Variants in ZXDC observed in about 807,000 individuals in gnomAD.
ZXDC encodes the protein zinc finger protein ZXDC.
A neutral mutation model predicts 63.6 loss-of-function variants in ZXDC; 58 were observed. That is an observed-to-expected ratio of 0.91 (90% confidence interval 0.74 to 1.13). The LOEUF is 1.13. ZXDC is among the 50% of genes most tolerant of loss of function. ZXDC has a pLI of 0.00. For synonymous variants in ZXDC, 561 were observed against 496.1 expected (o/e 1.13, Z -1.74); for missense variants, 1,133 against 1,148.9 (o/e 0.99, Z 0.20).
In ZXDC at chr3:126,459,575, CTG is replaced by C. The variant is rs1249264098; in HGVS notation, c.2212+76_2212+77del. The C allele has an allele frequency of 3.1e-6, 5 of 1,604,908 alleles. No individual in the cohort carries two copies. The African/African-American group carries it at 5.4e-5, about 17-fold the overall frequency. On this transcript the variant is annotated intron_variant, in intron 7 of 9. Coordinates refer to ENST00000389709, the MANE Select transcript of ZXDC (RefSeq NM_025112.5). ...AAAACCAAGAGCACAGAAACACCTG[CTG>C]TGTTTCTTCTGCCAGTAACAGTGAC...
intron 7 of ZXDC, among the ~76,000 whole-genome samples, chr3:126,446,406 C>T (rs1933883357): frequency 6.6e-6 from 1 of 152,198 alleles, no homozygotes; most frequent in Admixed American, 6.5e-5. Context: ...CTGCTTTCAC[C>T]TCACCGTGCC....
intron 7 of ZXDC, among the ~76,000 whole-genome samples, chr3:126,455,710 C>T (rs1262643377): frequency 2.0e-5 from 3 of 152,050 alleles, no homozygotes; most frequent in Admixed American, 1.3e-4. Flanking sequence ...GAATCAATAT[C>T]GTTGAGGCCG....
At chr3:126,456,230 CAG>C (rs1934303291) in intron 7 of ZXDC, among the ~76,000 whole-genome samples, 2 of 152,346 alleles carry the variant, frequency 1.3e-5, no homozygotes, top group Non-Finnish European at 2.9e-5. Context: ...TTAACCCTGC[CAG>C]AGAGGCCTCG....
rs570169253 is a variant in ZXDC at position 126,451,475 on chromosome 3, G to T, written c.2212+8178C>A. On this transcript the variant is annotated intron_variant, in intron 7 of 9. Coordinates refer to ENST00000389709, the MANE Select transcript of ZXDC (RefSeq NM_025112.5). ...TGAGATAAATTCAAAAAATGTAATT[G>T]TAAGACTGAATATTATGCATATTTT... 4.1e-6 allele frequency: 4 copies of T among 985,414 alleles called. No individual in the cohort carries two copies. In the African/African-American group the frequency reaches 7.0e-5, roughly 17 times the overall value. 61.0% of individuals were successfully genotyped at this position (985,414 alleles called of 1,614,324 possible).
intron 7 of ZXDC, chr3:126,450,417 C>T (rs926477420): frequency 1.3e-5 from 6 of 456,626 alleles, no homozygotes; most frequent in Non-Finnish European, 2.2e-5. Flanking sequence ...GCCACATCTG[C>T]CCCAGGGGTG....
At chr3:126,447,445 T>C (rs1477846836) in intron 7 of ZXDC, among the ~76,000 whole-genome samples, 1 of 152,248 alleles carries the variant, frequency 6.6e-6, no homozygotes, top group Non-Finnish European at 1.5e-5. Flanking sequence ...TTATTTCTAA[T>C]TGCTTGAGTT....
chr3:126,457,350 C>T, intron 7 of ZXDC: 4 of 985,428 alleles, frequency 4.1e-6, no homozygotes, highest in Non-Finnish European at 4.8e-6. Flanking sequence ...GTGTCTAAAA[C>T]CACAGCAGAC....
At chr3:126,469,678 G>A (rs543975104) in intron 4 of ZXDC, among the ~76,000 whole-genome samples, 29 of 152,052 alleles carry the variant, frequency 1.9e-4, no homozygotes, top group East Asian at 7.7e-4. Flanking sequence ...AGGCCACTCC[G>A]CCTCCAACAC....
At chr3:126,461,075 C>A (rs1934510155) in intron 6 of ZXDC, 1 of 985,518 alleles carries the variant, frequency 1.0e-6, no homozygotes, top group Non-Finnish European at 1.2e-6. Context: ...GGCTCATAAA[C>A]CCCACCCTTT....
In ZXDC at chr3:126,470,332, T is replaced by C. The variant is rs1342796468; in HGVS notation, c.1270+563A>G. On this transcript the variant is annotated intron_variant, in intron 4 of 9. Transcript: ENST00000389709. Reference sequence around the variant, plus strand: ...AAGCATAAAAATCAGCCAAGCGTGGTGGCATACGCCTGTAGTCCCAGCTAC... The same window carrying C: ...AAGCATAAAAATCAGCCAAGCGTGGCGGCATACGCCTGTAGTCCCAGCTAC... 2.0e-5 allele frequency among the ~76,000 whole-genome samples: 3 copies of C among 152,268 alleles called. No homozygotes were observed. The East Asian group carries it at 5.8e-4, about 29-fold the overall frequency.
intron 7 of ZXDC, among the ~76,000 whole-genome samples, chr3:126,446,117 T>C (rs781161355): frequency 5.3e-5 from 8 of 152,182 alleles, no homozygotes; most frequent in East Asian, 1.9e-4. Context: ...CAAACCCTTA[T>C]AGAACAAGGT....
intron 8 of ZXDC, 123 bp downstream of exon 8, chr3:126,441,642 C>T (rs4679120): frequency 0.044 from 62,746 of 1,426,072 alleles, 2,138 homozygotes; most frequent in Admixed American, 0.18. Context: ...GGAGGATGCA[C>T]GAGGGGCAGG....
chr3:126,475,677 C>T lies in ZXDC; in HGVS notation c.189G>A (p.Pro63=), dbSNP rs757448778. The T allele has an allele frequency of 3.6e-6, 5 of 1,395,016 alleles. No homozygotes were observed. Among genetic ancestry groups the T allele is most frequent in the Non-Finnish European group, 3.7e-6 (4 of 1,070,636 alleles). 86.4% of individuals were successfully genotyped at this position (1,395,016 alleles called of 1,614,324 possible). Residue 63 remains proline (P), a synonymous_variant, in exon 1 of 10, where the codon CCG becomes CCA. Transcript: ENST00000389709. ...CGTCGCTGTCGTCCTCGGCGGGCGG[C>T]GGGCTTGGCCCGGAGGCCTCCCCGG... The part of the protein sequence containing the change: ...ARPGEASGPS[P]PPAEDDSDGD...
At chr3:126,451,410 A>G (rs879303546) in intron 7 of ZXDC, 70 of 985,336 alleles carry the variant, frequency 7.1e-5, no homozygotes, top group Non-Finnish European at 7.6e-5. Flanking sequence ...ACTGAGCAGC[A>G]GCAGCATGTG....
intron 4 of ZXDC, among the ~76,000 whole-genome samples, chr3:126,470,635 C>T (rs1376617273): frequency 6.6e-6 from 1 of 152,184 alleles, no homozygotes; most frequent in Non-Finnish European, 1.5e-5. Flanking sequence ...ATCCTCACGA[C>T]CACCAAATTA....
Position 126,460,460 on chromosome 3 carries a change from G to C in ZXDC, c.2128-723C>G, listed in dbSNP as rs77808602. The C allele has an allele frequency of 2.3e-3, 2,241 of 984,794 alleles. 41 individuals are homozygous for C. In the African/African-American group the frequency reaches 0.037, roughly 16 times the overall value. 61.0% of individuals were successfully genotyped at this position (984,794 alleles called of 1,614,324 possible). A position where few individuals can be genotyped will look rare whatever the true frequency, so the allele number is the denominator to read the frequency against. ...ACAGCTAGCAAGAAAATGAACACGG[G>C]GTTAAGACCAAGGTCTTGCTGGCTT... On this transcript the variant is annotated intron_variant, in intron 6 of 9. Coordinates refer to ENST00000389709, the MANE Select transcript of ZXDC (RefSeq NM_025112.5).
At position 126,475,492 on chromosome 3, in the gene ZXDC, G is replaced by A. The variant is rs755035130; in HGVS notation, c.374C>T (p.Pro125Leu). 7 of 1,221,400 alleles carry A rather than the reference G, an allele frequency of 5.7e-6. No homozygotes were observed. The East Asian group carries it at 2.4e-4, about 42-fold the overall frequency. The allele number at this position is 1,221,400 out of a possible 1,614,324, so 75.7% of individuals were successfully genotyped here. A position where few individuals can be genotyped will look rare whatever the true frequency, so the allele number is the denominator to read the frequency against. The change falls in exon 1 of 10, where the codon CCG becomes CTG. Residue 125 changes from proline to leucine, a missense_variant. Pro to Leu is a moderately conservative substitution (Grantham distance 98). Coordinates refer to ENST00000389709, the MANE Select transcript of ZXDC (RefSeq NM_025112.5). Reference protein sequence around the residue: ...PAAPPGPGVAPAGAVTISSQD... With the variant: ...PAAPPGPGVALAGAVTISSQD... The stretch of plus-strand genomic sequence containing the variant: ...GCTGCTGATGGTGACGGCGCCCGCC[G>A]GGGCTACGCCAGGGCCGGGGGGGGC...
intron 6 of ZXDC, chr3:126,460,906 A>G: frequency 1.0e-6 from 1 of 985,416 alleles, no homozygotes; most frequent in Non-Finnish European, 1.2e-6. Flanking sequence ...AAAAATCCCT[A>G]TCTGATCATT....
At chr3:126,463,925 A>T (rs1934653784) in intron 5 of ZXDC, among the ~76,000 whole-genome samples, 1 of 152,242 alleles carries the variant, frequency 6.6e-6, no homozygotes, top group African/African-American at 2.4e-5. Context: ...TTTAAAGATT[A>T]AAAAAAGTAT....
Sources: allele counts gnomAD v4.1 joint callset (sites outside exome capture counted in the v4.1 genomes callset), GRCh38; gene constraint gnomAD v4.1.1; transcripts MANE v1.5; gene names NCBI Gene and HGNC (gene_info 2026-07-23, HGNC 2026-07-21).